CHD7: variants seen among roughly 807,000 people sequenced by gnomAD.
The protein encoded by CHD7 is chromodomain helicase DNA binding protein 7, also known as ATP-dependent chromatin remodeler CHD7.
Under a neutral mutation model 307.3 loss-of-function variants are expected in CHD7, and 24 were observed. That is an observed-to-expected ratio of 0.08 (90% CI 0.06 to 0.11). The LOEUF (loss-of-function observed/expected upper bound fraction) is 0.11. Among genes scored for constraint, CHD7 ranks in the 10% least tolerant of loss-of-function variants. CHD7 has a pLI of 1.00. For synonymous variants in CHD7, 1,363 were observed against 1,349.9 expected (o/e 1.01, Z -0.21); for missense variants, 3,106 against 3,727.1 (o/e 0.83, Z 4.34).
chr8:60,828,322 T>C (rs62526524), intron 13 of CHD7, among the ~76,000 whole-genome samples: 9,048 of 152,278 alleles, frequency 0.059, 367 homozygotes, highest in Non-Finnish European at 0.093. Flanking sequence ...CATCTGCGTC[T>C]AGGGATTCTA....
chr8:60,835,926 T>C (rs2150775143), intron 15 of CHD7, 147 bp from the exon 16 acceptor site: 1 of 639,998 alleles, frequency 1.6e-6, no homozygotes, highest in South Asian at 2.0e-5. Flanking sequence ...TAGACCCAAC[T>C]ATGAGTAAGT....
At position 60,742,948 on chromosome 8, in the gene CHD7, C is replaced by G. The variant is rs758382008; in HGVS notation, c.1516C>G (p.Pro506Ala). ...IPGQQHPGQQ[P>A]SFQQLPTCPP... ...TGGCCAACAACATCCTGGTCAACAG[C>G]CATCTTTTCAGCAGTTGCCAACCTG... is the stretch of plus-strand genomic sequence containing the variant. The change falls in exon 2 of 38, where the codon CCA (proline) becomes GCA (alanine). Residue 506 changes from proline (P) to alanine (A), a missense_variant. Pro to Ala is a conservative substitution (Grantham distance 27, BLOSUM62 -1). This residue lies in a region of CHD7 where 998 missense variants were observed against 1,004.5 expected (regional missense o/e 0.99). Coordinates refer to ENST00000423902, the MANE Select transcript of CHD7 (RefSeq NM_017780.4). 6.2e-6 allele frequency: 10 copies of G among 1,613,362 alleles called. No individual in the cohort carries two copies. Among genetic ancestry groups the G allele is most frequent in the Non-Finnish European group, 8.5e-6 (10 of 1,179,648 alleles).
rs898519820 is a variant in CHD7, at chr8:60,688,134, T to C, written c.-175+9052T>C. 2.0e-5 allele frequency among the ~76,000 whole-genome samples: 3 copies of C among 152,220 alleles called. No individual in the cohort carries two copies. The East Asian group carries it at 5.8e-4, about 29-fold the overall frequency. Reference sequence around the variant, plus strand: ...TCCTTGCCTTTCACACTTAAGGCCCTTCTGCTCACATGGAGATGAGGAGAA... The same window carrying C: ...TCCTTGCCTTTCACACTTAAGGCCCCTCTGCTCACATGGAGATGAGGAGAA... On this transcript the variant is annotated intron_variant, in intron 1 of 37. Transcript: ENST00000423902.
In CHD7 at chr8:60,801,703, G is replaced by T. The variant is rs1038963486; in HGVS notation, c.2442+110G>T. ...CTAATATTATAAAATAAAACTTCCA[G>T]TAATATTTCTAATCCTGTCTAATTT... On this transcript the variant is annotated intron_variant, in intron 6 of 37. Coordinates refer to ENST00000423902, the MANE Select transcript of CHD7 (RefSeq NM_017780.4). 47 of 706,558 alleles carry T rather than the reference G, an allele frequency of 6.7e-5. No individual in the cohort carries two copies. In the Admixed American group the frequency reaches 8.6e-4, roughly 13 times the overall value. 43.8% of individuals were successfully genotyped at this position (706,558 alleles called of 1,614,324 possible).
At chr8:60,691,832 C>T (rs957709744) in intron 1 of CHD7, among the ~76,000 whole-genome samples, 23 of 152,136 alleles carry the variant, frequency 1.5e-4, no homozygotes, top group Admixed American at 1.3e-3. Flanking sequence ...ATTTTAAAGA[C>T]CCTGTGGAAT....
chr8:60,826,908 A>T (rs1804277335), intron 13 of CHD7, among the ~76,000 whole-genome samples: 1 of 152,242 alleles, frequency 6.6e-6, no homozygotes, highest in Non-Finnish European at 1.5e-5. Context: ...TAACGTTGTC[A>T]AGGCAAAAGC....
In CHD7 at chr8:60,851,302, TG is replaced by T; in HGVS notation, c.5650del (p.Glu1884LysfsTer15). On this transcript the variant is annotated frameshift_variant, in exon 28 of 38. Coordinates refer to ENST00000423902, the MANE Select transcript of CHD7 (RefSeq NM_017780.4). LOFTEE classifies it high-confidence loss of function. ...CCTTCAGAGGATAAGGAAGAATCCATGGAAATACATGCCACAGGTAAGGTCC... is the reference window on the plus strand; with the variant it reads ...CCTTCAGAGGATAAGGAAGAATCCATGAAATACATGCCACAGGTAAGGTCC... ...NSPSEDKEESMEIHATGKHSE... is the reference protein window; with the variant it reads ...NSPSEDKEESXEIHATGKHSE... 1 of 1,559,282 alleles carries T rather than the reference TG, an allele frequency of 6.4e-7. No homozygotes were observed. Among genetic ancestry groups the T allele is most frequent in the South Asian group, 1.2e-5 (1 of 84,524 alleles).
At chr8:60,691,542 T>C (rs1806195564) in intron 1 of CHD7, among the ~76,000 whole-genome samples, 1 of 152,208 alleles carries the variant, frequency 6.6e-6, no homozygotes, top group African/African-American at 2.4e-5. Flanking sequence ...TGCTTGTCCA[T>C]TATCCTCCAG....
At chr8:60,794,402 CGTA>C (rs1811919182) in intron 3 of CHD7, among the ~76,000 whole-genome samples, 1 of 152,076 alleles carries the variant, frequency 6.6e-6, no homozygotes, top group Non-Finnish European at 1.5e-5. Flanking sequence ...TCAAAAAACA[CGTA>C]GCACCAAAAT....
At chr8:60,683,283 C>G (rs1311813485) in intron 1 of CHD7, among the ~76,000 whole-genome samples, 1 of 152,056 alleles carries the variant, frequency 6.6e-6, no homozygotes, top group African/African-American at 2.4e-5. Flanking sequence ...AAATTGAGAT[C>G]AATAATCGCT....
Position 60,858,669 on chromosome 8 carries a change from G to T in CHD7, c.7608+1781G>T, listed in dbSNP as rs564168736. Among the ~76,000 whole-genome samples the T allele has an allele frequency of 4.6e-5, 7 of 152,272 alleles. No individual in the cohort carries two copies. In the South Asian group the frequency reaches 1.2e-3, roughly 27 times the overall value. On this transcript the variant is annotated intron_variant, in intron 34 of 37. Transcript: ENST00000423902. ...TTCGCCCAGGCTGGAGCACAATGGC[G>T]CAGTCTCGGCTCAGTGCAGCCTCCA...
Position 60,854,382 on chromosome 8 carries a change from G to A in CHD7, c.6795G>A (p.Gly2265=). The A allele has an allele frequency of 1.2e-6, 2 of 1,613,690 alleles. No homozygotes were observed. Among genetic ancestry groups the A allele is most frequent in the Non-Finnish European group, 1.7e-6 (2 of 1,179,698 alleles). ...TCTCAGCAGGAGCTGTCTCTAGAGG[G>A]AAGAATTTTGATGAAGAAAGCAATG... The part of the protein sequence containing the change: ...SQPEAGAVSR[G]KNFDEESNAS... The change falls in exon 32 of 38, where the codon GGG becomes GGA. Residue 2265 remains glycine, a synonymous_variant. Transcript: ENST00000423902.
intron 1 of CHD7, among the ~76,000 whole-genome samples, chr8:60,681,254 G>A (rs1365240612): frequency 6.6e-6 from 1 of 152,142 alleles, no homozygotes; most frequent in Non-Finnish European, 1.5e-5. Flanking sequence ...TCCTATTTCA[G>A]AAATAACTTG....
chr8:60,679,138 C>T (rs2150462627), intron 1 of CHD7, 56 bp downstream of exon 1: 1 of 159,266 alleles, frequency 6.3e-6, no homozygotes, highest in Non-Finnish European at 1.3e-5. Context: ...GCGGCGGCGG[C>T]AGGAAATCGC....
intron 1 of CHD7, among the ~76,000 whole-genome samples, chr8:60,691,008 C>T (rs1806166556): frequency 6.6e-6 from 1 of 152,148 alleles, no homozygotes; most frequent in African/African-American, 2.4e-5. Flanking sequence ...CACTGCCCAC[C>T]TCCACCTCCT....
intron 2 of CHD7, among the ~76,000 whole-genome samples, chr8:60,767,911 A>G (rs540242197): frequency 3.3e-5 from 5 of 152,350 alleles, no homozygotes; most frequent in Admixed American, 6.5e-5. Flanking sequence ...AGCATAGACT[A>G]AAGTTACTGC....
intron 26 of CHD7, 106 bp from the exon 27 acceptor site, chr8:60,850,926 T>C: frequency 1.3e-6 from 1 of 791,710 alleles, no homozygotes. Context: ...GTCAAACCCA[T>C]AATTAAAAGT....
At chr8:60,806,225 A>T (rs1168626252) in intron 6 of CHD7, among the ~76,000 whole-genome samples, 2 of 152,056 alleles carry the variant, frequency 1.3e-5, no homozygotes, top group African/African-American at 2.4e-5. Context: ...TTAGCCGGGC[A>T]TGGTGGCGGG....
At chr8:60,689,953 G>A (rs988692835) in intron 1 of CHD7, among the ~76,000 whole-genome samples, 3 of 152,102 alleles carry the variant, frequency 2.0e-5, no homozygotes, top group South Asian at 2.1e-4. Flanking sequence ...AGTTGCCTTC[G>A]AAAAAACTCA....
Sources: gnomAD v4.1 joint callset for allele counts (sites outside exome capture counted in the v4.1 genomes callset) on GRCh38, gnomAD v4.1.1 for gene constraint, gnomAD v4.1.1 regional missense constraint, MANE v1.5 for transcripts, NCBI Gene and HGNC (gene_info 2026-07-23, HGNC 2026-07-21) for gene names.